STIM1: variants seen among roughly 807,000 people sequenced by gnomAD.
STIM1 encodes stromal interaction molecule 1.
In STIM1, 25 loss-of-function variants were observed where a neutral mutation model predicts 74.7. The ratio of observed to expected loss-of-function variants is 0.33; its 90% confidence interval spans 0.24 to 0.47. The LOEUF (loss-of-function observed/expected upper bound fraction) is 0.47. Among genes scored for constraint, STIM1 ranks in the 20% least tolerant of loss-of-function variants. The pLI, the probability that STIM1 is intolerant of heterozygous loss-of-function variation, is 1.00. For synonymous variants in STIM1, 328 were observed against 348.8 expected (o/e 0.94, Z 0.66); for missense variants, 728 against 920.8 (o/e 0.79, Z 2.71).
At chr11:3,961,076 C>T (rs767978868) in intron 1 of STIM1, among the ~76,000 whole-genome samples, 33 of 152,088 alleles carry the variant, frequency 2.2e-4, no homozygotes, top group Admixed American at 1.4e-3. Flanking sequence ...AATCACAGCT[C>T]ATTGCAGCTT....
intron 1 of STIM1, among the ~76,000 whole-genome samples, chr11:3,940,147 T>C (rs2092987621): frequency 6.6e-6 from 1 of 152,222 alleles, no homozygotes; most frequent in African/African-American, 2.4e-5. Context: ...TTAGTAGCTT[T>C]ACCCAGAACA....
intron 1 of STIM1, among the ~76,000 whole-genome samples, chr11:3,959,374 G>T (rs1481726569): frequency 1.3e-5 from 2 of 152,188 alleles, no homozygotes; most frequent in African/African-American, 2.4e-5. Flanking sequence ...TTGGTGGGTT[G>T]TATTCAAGAA....
chr11:3,913,394 C>T (rs1044172775), intron 1 of STIM1, among the ~76,000 whole-genome samples: 1 of 151,880 alleles, frequency 6.6e-6, no homozygotes, highest in Non-Finnish European at 1.5e-5. Context: ...CACGATGTTA[C>T]CCAGGCCAGT....
At chr11:3,913,670 C>T (rs568306631) in intron 1 of STIM1, among the ~76,000 whole-genome samples, 5 of 152,264 alleles carry the variant, frequency 3.3e-5, no homozygotes, top group South Asian at 2.1e-4. Context: ...TTAACCATTT[C>T]GAATTAAACA....
chr11:4,014,375 A>G (rs578000388), intron 2 of STIM1, among the ~76,000 whole-genome samples: 4 of 152,270 alleles, frequency 2.6e-5, no homozygotes, highest in Non-Finnish European at 4.4e-5. Context: ...TGAACTTCTT[A>G]ATCCTGAGTT....
chr11:4,023,515 A>G (rs1003660557), intron 2 of STIM1, among the ~76,000 whole-genome samples: 1 of 152,212 alleles, frequency 6.6e-6, no homozygotes, highest in African/African-American at 2.4e-5. Flanking sequence ...TTCTTAGAAT[A>G]TTGCCTAATT....
intron 2 of STIM1, among the ~76,000 whole-genome samples, chr11:3,988,074 T>C (rs1435557643): frequency 6.6e-6 from 1 of 152,194 alleles, no homozygotes; most frequent in African/African-American, 2.4e-5. Flanking sequence ...GGGTGTTCTA[T>C]TTTGGAAATG....
intron 1 of STIM1, among the ~76,000 whole-genome samples, chr11:3,914,687 G>A (rs922741700): frequency 6.6e-6 from 1 of 152,114 alleles, no homozygotes; most frequent in Non-Finnish European, 1.5e-5. Flanking sequence ...TGATCCGCCC[G>A]CCTCGGCCTC....
intron 1 of STIM1, 43 bp from the exon 2 acceptor site, chr11:3,967,509 G>A (rs2093350463): frequency 2.5e-6 from 4 of 1,613,454 alleles, no homozygotes; most frequent in Non-Finnish European, 3.4e-6. Flanking sequence ...TAGGTTCTGG[G>A]TGGCAGCTCT....
chr11:4,028,961 G>A (rs1042018628), intron 3 of STIM1, among the ~76,000 whole-genome samples: 4 of 151,930 alleles, frequency 2.6e-5, no homozygotes, highest in African/African-American at 9.7e-5. Flanking sequence ...GCTGAGGCAG[G>A]CAGATCATGA....
At chr11:4,047,872 G>T (rs1320835274) in intron 3 of STIM1, among the ~76,000 whole-genome samples, 1 of 149,646 alleles carries the variant, frequency 6.7e-6, no homozygotes, top group Non-Finnish European at 1.5e-5. Flanking sequence ...AGGCTGGAGT[G>T]CCATGGCGTG....
chr11:4,054,600 A>G (rs771281797), intron 3 of STIM1, among the ~76,000 whole-genome samples: 45 of 152,124 alleles, frequency 3.0e-4, no homozygotes, highest in Non-Finnish European at 4.4e-4. Flanking sequence ...CGTGCTTCTT[A>G]TGAGAATCTC....
At chr11:3,902,305 C>T (rs74050943) in intron 1 of STIM1, among the ~76,000 whole-genome samples, 3,831 of 152,212 alleles carry the variant, frequency 0.025, 167 homozygotes, top group African/African-American at 0.086. Flanking sequence ...TTATATACTG[C>T]AGAAGCTTGG....
Position 3,904,196 on chromosome 11 carries a change from C to CAAAAAAAAAAAAAAA in STIM1, c.139+47796_139+47810dup, listed in dbSNP as rs57908154. ...TGGGTGACAGAGTGAGACTCTGTCT[C>CAAAAAAAAAAAAAAA]AAAAAAAAAAAAAAAAAAAAAAAGA... is the stretch of plus-strand genomic sequence containing the variant. On this transcript the variant is annotated intron_variant, in intron 1 of 12. Transcript: ENST00000526596. Among the ~76,000 whole-genome samples the CAAAAAAAAAAAAAAA allele has an allele frequency of 2.4e-3, 177 of 73,854 alleles. 4 individuals carry two copies. Among genetic ancestry groups the CAAAAAAAAAAAAAAA allele is most frequent in the Non-Finnish European group, 3.1e-3 (129 of 41,046 alleles). 48.5% of individuals were successfully genotyped at this position (73,854 alleles called of 152,430 possible). A position where few individuals can be genotyped will look rare whatever the true frequency, so the allele number is the denominator to read the frequency against.
At chr11:3,864,165 C>T (rs1036818445) in intron 1 of STIM1, among the ~76,000 whole-genome samples, 5 of 152,190 alleles carry the variant, frequency 3.3e-5, no homozygotes, top group African/African-American at 1.2e-4. Flanking sequence ...TCAGCTCCAG[C>T]TGTACTCTCT....
At chr11:4,090,728 TC>T (rs1490139057) in intron 12 of STIM1, among the ~76,000 whole-genome samples, 2 of 152,176 alleles carry the variant, frequency 1.3e-5, no homozygotes, top group African/African-American at 4.8e-5. Flanking sequence ...TTAGCTTGAG[TC>T]CCAGGAAATA....
intron 1 of STIM1, among the ~76,000 whole-genome samples, chr11:3,961,796 C>T (rs2093288772): frequency 6.6e-6 from 1 of 152,180 alleles, no homozygotes; most frequent in African/African-American, 2.4e-5. Flanking sequence ...GCGTGAGCCA[C>T]TGCGCCCGGC....
At chr11:4,025,893 T>C (rs2136027403) in intron 3 of STIM1, among the ~76,000 whole-genome samples, 2 of 152,306 alleles carry the variant, frequency 1.3e-5, no homozygotes, top group Non-Finnish European at 2.9e-5. Flanking sequence ...GAGAAAAGCA[T>C]TTCAATGCAG....
chr11:3,913,829 T>A (rs1309803901), intron 1 of STIM1, among the ~76,000 whole-genome samples: 1 of 152,188 alleles, frequency 6.6e-6, no homozygotes, highest in Non-Finnish European at 1.5e-5. Flanking sequence ...CCAATAGGAT[T>A]TACCTATTTT....
Sources: allele counts gnomAD v4.1 joint callset (sites outside exome capture counted in the v4.1 genomes callset), GRCh38; gene constraint gnomAD v4.1.1; transcripts MANE v1.5; gene names NCBI Gene and HGNC (gene_info 2026-07-23, HGNC 2026-07-21).